The following LARGE1 variants were observed in gnomAD, a reference collection of about 807,000 sequenced individuals.
LARGE1 encodes LARGE xylosyl- and glucuronyltransferase 1.
Under a neutral mutation model 87.6 loss-of-function variants are expected in LARGE1, and 43 were observed. The observed-to-expected ratio is 0.49, with a 90% confidence interval of 0.38 to 0.63. The LOEUF (loss-of-function observed/expected upper bound fraction) is 0.63, where lower values mean the gene tolerates loss of function less well. LARGE1 is among the 30% of genes least tolerant of loss of function. The pLI, the probability that LARGE1 is intolerant of heterozygous loss-of-function variation, is 0.00. For missense variants in LARGE1, 802 were observed against 1,000.2 expected (o/e 0.80, Z 2.67); for synonymous variants, 434 against 394.6 (o/e 1.10, Z -1.18).
chr22:33,832,366 T>C (rs968092306), intron 1 of LARGE1, among the ~76,000 whole-genome samples: 2 of 151,968 alleles, frequency 1.3e-5, no homozygotes, highest in Non-Finnish European at 2.9e-5. Flanking sequence ...ACAAGACAGA[T>C]CAGGAACAGA....
intron 6 of LARGE1, among the ~76,000 whole-genome samples, chr22:33,444,591 T>C (rs1008525228): frequency 1.3e-5 from 2 of 152,204 alleles, no homozygotes; most frequent in Admixed American, 6.5e-5. Context: ...GTAGTAATTC[T>C]TGTTGAATGA....
downstream of LARGE1, among the ~76,000 whole-genome samples, chr22:33,268,518 C>T (rs1928076533): frequency 6.6e-6 from 1 of 151,398 alleles, no homozygotes. Context: ...AGCTCCGTCC[C>T]CCGGGTTCTC....
rs1045681625 is a variant in LARGE1, at chr22:33,453,182, C to T, written c.788-20917G>A. On this transcript the variant is annotated intron_variant, in intron 6 of 14. Transcript: ENST00000397394. ...CTGTAATCCCAGCACTTTGGGAGGCCGAGGCGGGTGGATTATGAAGTCACG... is the reference window on the plus strand; with the variant it reads ...CTGTAATCCCAGCACTTTGGGAGGCTGAGGCGGGTGGATTATGAAGTCACG... 9.2e-5 allele frequency among the ~76,000 whole-genome samples: 14 copies of T among 152,138 alleles called. No homozygotes were observed. The East Asian group carries it at 1.5e-3, about 17-fold the overall frequency.
intron 1 of LARGE1, among the ~76,000 whole-genome samples, chr22:33,879,996 C>T (rs938117028): frequency 2.0e-5 from 3 of 152,182 alleles, no homozygotes; most frequent in Non-Finnish European, 4.4e-5. Context: ...ATGTTCTTCC[C>T]CATGGGTGGC....
the LARGE1 span, among the ~76,000 whole-genome samples, chr22:33,148,871 G>A: frequency 1.6e-4 from 25 of 151,654 alleles, no homozygotes; most frequent in African/African-American, 5.8e-4. Flanking sequence ...TATCCTCTTT[G>A]GTGCAATGTC....
intron 1 of LARGE1, among the ~76,000 whole-genome samples, chr22:33,894,553 CCT>C (rs1431306754): frequency 6.6e-6 from 1 of 152,174 alleles, no homozygotes; most frequent in African/African-American, 2.4e-5. Flanking sequence ...CTCGAAGTAG[CCT>C]CTGTGTGCAG....
At chr22:33,675,075 C>A (rs2081527927) in intron 2 of LARGE1, among the ~76,000 whole-genome samples, 1 of 151,728 alleles carries the variant, frequency 6.6e-6, no homozygotes, top group Admixed American at 6.6e-5. Context: ...GGTGGATCAC[C>A]TGAGGTCGAA....
At chr22:33,876,428 C>A (rs2064468822) in intron 1 of LARGE1, among the ~76,000 whole-genome samples, 1 of 152,108 alleles carries the variant, frequency 6.6e-6, no homozygotes, top group Non-Finnish European at 1.5e-5. Flanking sequence ...GTTCTGGGAG[C>A]TGGTGATACA....
intron 1 of LARGE1, among the ~76,000 whole-genome samples, chr22:33,778,157 T>A (rs1450695057): frequency 6.6e-6 from 1 of 152,170 alleles, no homozygotes; most frequent in East Asian, 1.9e-4. Context: ...TTTCCTCAGG[T>A]CACAGAAAAA....
At chr22:33,259,377 C>A (rs919567948) in intron 11 of LARGE1, among the ~76,000 whole-genome samples, 1 of 151,858 alleles carries the variant, frequency 6.6e-6, no homozygotes, top group African/African-American at 2.4e-5. Flanking sequence ...CACACACACA[C>A]ATACACACAC....
chr22:33,338,357 A>G (rs1276780514), intron 9 of LARGE1, among the ~76,000 whole-genome samples: 1 of 152,096 alleles, frequency 6.6e-6, no homozygotes, highest in Non-Finnish European at 1.5e-5. Flanking sequence ...CACACTCAGA[A>G]CACGCTTCGC....
intron 3 of LARGE1, among the ~76,000 whole-genome samples, chr22:33,630,593 A>G (rs1371941672): frequency 1.3e-5 from 2 of 152,130 alleles, no homozygotes; most frequent in South Asian, 4.1e-4. Flanking sequence ...AATATAATAT[A>G]AGAGAAAAAA....
At chr22:33,670,249 G>A (rs972930163) in intron 2 of LARGE1, among the ~76,000 whole-genome samples, 9 of 151,854 alleles carry the variant, frequency 5.9e-5, no homozygotes, top group Admixed American at 3.3e-4. Context: ...ATAAAGCCTA[G>A]TAGAAGAAAA....
intron 2 of LARGE1, among the ~76,000 whole-genome samples, chr22:33,715,800 A>G (rs950189811): frequency 1.3e-5 from 2 of 152,200 alleles, no homozygotes; most frequent in Admixed American, 1.3e-4. Flanking sequence ...GCTAGGCTAA[A>G]GTTGTCACGC....
At chr22:33,447,186 C>T (rs927308831) in intron 6 of LARGE1, among the ~76,000 whole-genome samples, 3 of 152,256 alleles carry the variant, frequency 2.0e-5, no homozygotes, top group African/African-American at 7.2e-5. Flanking sequence ...TGAGCCACTG[C>T]ACCTGGCCCA....
rs200105011 is a variant in LARGE1 at position 33,199,857 on chromosome 22, T to C, written c.1731-33025A>G. ...ACGTGCAGACACTTTTTTTTTTTTT[T>C]CTTTTTTTTTGAGACGGAGTCTTAC... On this transcript the variant is annotated intron_variant, in intron 11 of 11. Transcript: ENST00000608642. Among the ~76,000 whole-genome samples the C allele has an allele frequency of 1.0e-3, 156 of 149,184 alleles. 1 individual carries two copies. Among genetic ancestry groups the C allele is most frequent in the African/African-American group, 3.5e-3 (143 of 40,542 alleles).
At chr22:33,191,174 A>T (rs73395909) in intron 11 of LARGE1, among the ~76,000 whole-genome samples, 4,826 of 152,268 alleles carry the variant, frequency 0.032, 268 homozygotes, top group African/African-American at 0.11. Context: ...TATTTTACAC[A>T]ACTGCCCATA....
chr22:33,773,369 T>A (rs890164169), intron 1 of LARGE1, among the ~76,000 whole-genome samples: 6 of 152,174 alleles, frequency 3.9e-5, no homozygotes, highest in African/African-American at 1.4e-4. Flanking sequence ...ACCACAAGGG[T>A]CCACTCCTGC....
intron 1 of LARGE1, among the ~76,000 whole-genome samples, chr22:33,875,135 G>A (rs2146709468): frequency 6.6e-6 from 1 of 152,312 alleles, no homozygotes; most frequent in Non-Finnish European, 1.5e-5. Context: ...ATTTTTATAA[G>A]AACCATTGCC....
Sources: gnomAD v4.1 joint callset for allele counts (sites outside exome capture counted in the v4.1 genomes callset) on GRCh38, gnomAD v4.1.1 for gene constraint, MANE v1.5 for transcripts, NCBI Gene and HGNC (gene_info 2026-07-23, HGNC 2026-07-21) for gene names.